TPO: variants seen among roughly 807,000 people sequenced by gnomAD.
The protein encoded by TPO is thyroid peroxidase.
Under a neutral mutation model 96.9 loss-of-function variants are expected in TPO, and 78 were observed. The ratio of observed to expected loss-of-function variants is 0.81; its 90% CI spans 0.67 to 0.97. The LOEUF (loss-of-function observed/expected upper bound fraction) is 0.97. TPO is among the 50% of genes least tolerant of loss of function. TPO has a pLI of 0.00. For missense variants in TPO, 1,252 were observed against 1,274.8 expected (o/e 0.98, Z 0.27); for synonymous variants, 547 against 538.0 (o/e 1.02, Z -0.23).
At chr2:1,514,776 A>C (rs1674512086) in intron 14 of TPO, among the ~76,000 whole-genome samples, 1 of 152,174 alleles carries the variant, frequency 6.6e-6, no homozygotes, top group African/African-American at 2.4e-5. Flanking sequence ...AGAAACAAAA[A>C]TTTGGAGCAA....
At chr2:1,527,136 A>G (rs1676751195) in intron 15 of TPO, among the ~76,000 whole-genome samples, 1 of 78,820 alleles carries the variant, frequency 1.3e-5, no homozygotes, top group Non-Finnish European at 2.3e-5. Flanking sequence ...ACTGTGTGCA[A>G]CCTCCTCAAA....
At chr2:1,434,180 A>G (rs1296395337) in intron 4 of TPO, among the ~76,000 whole-genome samples, 1 of 152,242 alleles carries the variant, frequency 6.6e-6, no homozygotes, top group Admixed American at 6.5e-5. Context: ...CTCTATGGGC[A>G]TAAGATACTG....
At position 1,456,087 on chromosome 2, in the gene TPO, G is replaced by T. The variant is rs1667757636; in HGVS notation, c.624G>T (p.Val208=). The part of the protein sequence containing the change: ...NGFPLPPVRE[V]TRHVIQVSNE... ...CTCTTCCTACCCAGGTCCGGGAGGT[G>T]ACAAGACATGTCATTCAAGTTTCAA... The change falls in exon 7 of 17, where the codon GTG becomes GTT. Residue 208 remains valine, a synonymous_variant. Transcript: ENST00000329066. 1 of 1,613,784 alleles carries T rather than the reference G, an allele frequency of 6.2e-7. No homozygotes were observed. Among genetic ancestry groups the T allele is most frequent in the Admixed American group, 1.7e-5 (1 of 59,992 alleles).
chr2:1,472,185 G>A (rs1386314048), intron 7 of TPO, among the ~76,000 whole-genome samples: 1 of 151,986 alleles, frequency 6.6e-6, no homozygotes, highest in Admixed American at 6.5e-5. Context: ...CCCTTTCCAT[G>A]ACGTGAATGC....
chr2:1,540,673 C>T lies in TPO; in HGVS notation c.2698C>T (p.Gln900Ter), dbSNP rs773476786. The change falls in exon 16 of 17, where the codon CAG becomes TAG. Residue 900 changes from glutamine to a stop codon, truncating the protein, a stop_gained. Coordinates refer to ENST00000329066, the MANE Select transcript of TPO (RefSeq NM_001206744.2). LOFTEE classifies it low-confidence loss of function (END_TRUNC). ...TCCCGAGCTGAGATGCGGAAAGCAC[C>T]AGGCCGTAGGGACCTCACCGCAGCG... ...GTPELRCGKH[Q>*]AVGTSPQRAA... 1.2e-6 allele frequency: 2 copies of T among 1,613,278 alleles called. No homozygotes were observed. The highest frequency in any genetic ancestry group is 1.7e-5 in the Admixed American group (1 of 60,004).
intron 5 of TPO, among the ~76,000 whole-genome samples, chr2:1,437,909 A>T (rs1471206781): frequency 6.6e-6 from 1 of 152,098 alleles, no homozygotes; most frequent in Admixed American, 6.5e-5. Flanking sequence ...CTCAGAGCTC[A>T]GTGGGAGACA....
rs192684439 is a variant in TPO at position 1,434,477 on chromosome 2, T to G, written c.349+870T>G. ...TCATAGCAAGCTAAGATTCACCACT[T>G]TGAAATGTCCTTTCTTTCAAACCAT... On this transcript the variant is annotated intron_variant, in intron 4 of 16. Transcript: ENST00000329066. 4.6e-5 allele frequency among the ~76,000 whole-genome samples: 7 copies of G among 152,340 alleles called. No individual in the cohort carries two copies. The East Asian group carries it at 1.3e-3, about 29-fold the overall frequency.
chr2:1,533,463 C>T (rs1301165613), intron 15 of TPO, among the ~76,000 whole-genome samples: 1 of 77,166 alleles, frequency 1.3e-5, no homozygotes, highest in African/African-American at 5.2e-5. Flanking sequence ...TGTGTGCAAC[C>T]TCCCCAAATC....
intron 5 of TPO, among the ~76,000 whole-genome samples, chr2:1,444,099 T>C (rs1666506107): frequency 2.2e-5 from 3 of 138,414 alleles, no homozygotes; most frequent in Non-Finnish European, 4.6e-5. Flanking sequence ...TAGAAGGGAA[T>C]GGGGCAGGCT....
chr2:1,405,015 C>A (rs1178117455), intron 1 of TPO, among the ~76,000 whole-genome samples: 1 of 152,118 alleles, frequency 6.6e-6, no homozygotes, highest in African/African-American at 2.4e-5. Flanking sequence ...ACCCACGCAG[C>A]CATCCATTCC....
At chr2:1,505,474 G>A (rs1195595714) in intron 14 of TPO, among the ~76,000 whole-genome samples, 7 of 83,952 alleles carry the variant, frequency 8.3e-5, no homozygotes, top group African/African-American at 4.1e-4. Context: ...TGTGTCAGGC[G>A]CATCCCCCCC....
chr2:1,537,001 A>G, intron 15 of TPO, among the ~76,000 whole-genome samples: 1 of 38,156 alleles, frequency 2.6e-5, no homozygotes, highest in Non-Finnish European at 4.6e-5. Context: ...TGCAACCTCA[A>G]ATCCCCCCAC....
chr2:1,445,484 A>G (rs1573218141), intron 5 of TPO, among the ~76,000 whole-genome samples: 3 of 114,326 alleles, frequency 2.6e-5, no homozygotes, highest in South Asian at 3.9e-4. Context: ...AGGAGGCACC[A>G]TGCTGGAAGG....
At chr2:1,488,529 CCTCCCTGACCTGCCCAGTTTCCAA>C (rs1171127660) in intron 10 of TPO, among the ~76,000 whole-genome samples, 1 of 152,170 alleles carries the variant, frequency 6.6e-6, no homozygotes, top group Admixed American at 6.5e-5. Context: ...CCGGCAGCCT[CCTCCCTGACCTGCCCAGTTTCCAA>C]CTCCCTGACC....
At chr2:1,467,369 G>A (rs186813732) in intron 7 of TPO, among the ~76,000 whole-genome samples, 9 of 152,236 alleles carry the variant, frequency 5.9e-5, no homozygotes, top group South Asian at 4.1e-4. Flanking sequence ...CTCCCAAAGC[G>A]CTGGGATTAC....
Position 1,456,082 on chromosome 2 carries a change from G to A in TPO, c.619G>A (p.Glu207Lys), listed in dbSNP as rs755885941. 18 of 1,613,784 alleles carry A rather than the reference G, an allele frequency of 1.1e-5. No homozygotes were observed. Among genetic ancestry groups the A allele is most frequent in the Middle Eastern group, 1.6e-4 (1 of 6,062 alleles). ...ATGGTCTCTTCCTACCCAGGTCCGG[G>A]AGGTGACAAGACATGTCATTCAAGT... ...YNGFPLPPVREVTRHVIQVSN... is the reference protein window; with the variant it reads ...YNGFPLPPVRKVTRHVIQVSN... Residue 207 changes from glutamate (E) to lysine (K), a missense_variant, in exon 7 of 17, where the codon GAG (glutamate) becomes AAG (lysine). Physicochemically the swap from Glu to Lys is moderately conservative, Grantham distance 56. Transcript: ENST00000329066.
At chr2:1,486,018 G>C (rs890777278) in intron 9 of TPO, among the ~76,000 whole-genome samples, 2 of 152,098 alleles carry the variant, frequency 1.3e-5, no homozygotes, top group African/African-American at 4.8e-5. Context: ...TTCTTCTAGG[G>C]TTTTTACGGT....
At chr2:1,434,886 CCTT>C (rs902981997) in intron 4 of TPO, among the ~76,000 whole-genome samples, 1 of 152,158 alleles carries the variant, frequency 6.6e-6, no homozygotes, top group African/African-American at 2.4e-5. Flanking sequence ...CTAGGCTGCT[CCTT>C]CATGTTGGTC....
At chr2:1,478,016 A>G in intron 8 of TPO, 1 of 985,382 alleles carries the variant, frequency 1.0e-6, no homozygotes, top group Non-Finnish European at 1.2e-6. Context: ...CTCATTTAAT[A>G]ATTCCCAGAA....
Sources: gnomAD v4.1 joint callset for allele counts (sites outside exome capture counted in the v4.1 genomes callset) on GRCh38, gnomAD v4.1.1 for gene constraint, MANE v1.5 for transcripts, NCBI Gene and HGNC (gene_info 2026-07-23, HGNC 2026-07-21) for gene names.